Variants in RPN2 observed in about 807,000 individuals in gnomAD.
RPN2 encodes the protein ribophorin II, also known as dolichyl-diphosphooligosaccharide--protein glycosyltransferase subunit 2.
RPN2 carries 29 observed loss-of-function variants against 71.4 expected under a neutral mutation model. That is an observed-to-expected ratio of 0.41 (90% CI 0.30 to 0.55). The LOEUF is 0.55. Among genes scored for constraint, RPN2 ranks in the 20% least tolerant of loss-of-function variants. The pLI is 0.35. For synonymous variants in RPN2, 308 were observed against 305.0 expected, an observed-to-expected ratio of 1.01 and a Z score of -0.10; for missense variants, 726 against 774.1, an observed-to-expected ratio of 0.94 and a Z score of 0.74.
intron 4 of RPN2, among the ~76,000 whole-genome samples, chr20:37,201,999 A>G (rs1221818777): frequency 1.3e-5 from 2 of 152,230 alleles, no homozygotes; most frequent in African/African-American, 2.4e-5. Context: ...ATACAGTACT[A>G]TGCTCCAGAG....
At chr20:37,199,315 TG>T in intron 4 of RPN2, 90 bp downstream of exon 4, 1 of 1,505,628 alleles carries the variant, frequency 6.6e-7, no homozygotes, top group Non-Finnish European at 9.1e-7. Context: ...AAATACTTTC[TG>T]GGCAAGTACT....
intron 14 of RPN2, among the ~76,000 whole-genome samples, chr20:37,232,718 T>TA (rs376342287): frequency 2.0e-5 from 3 of 152,230 alleles, no homozygotes; most frequent in African/African-American, 4.8e-5. Flanking sequence ...CTGGTAGCTA[T>TA]AAAAAACAGC....
chr20:37,234,460 C>A (rs369863476), intron 15 of RPN2, among the ~76,000 whole-genome samples: 12 of 152,304 alleles, frequency 7.9e-5, no homozygotes, highest in African/African-American at 2.9e-4. Context: ...CCCACGCTAT[C>A]GATCTTCACA....
At chr20:37,205,742 G>A (rs558570693) in intron 6 of RPN2, among the ~76,000 whole-genome samples, 3 of 152,260 alleles carry the variant, frequency 2.0e-5, no homozygotes, top group African/African-American at 7.2e-5. Context: ...TTTGTCCTAA[G>A]TGTAGGAGGT....
chr20:37,225,328 G>A (rs1162236221), intron 10 of RPN2, among the ~76,000 whole-genome samples: 3 of 152,104 alleles, frequency 2.0e-5, no homozygotes, highest in Non-Finnish European at 4.4e-5. Context: ...TTCTCCTTGC[G>A]GTTCTGCCAG....
At chr20:37,229,556 T>TC (rs1286374431) in intron 12 of RPN2, among the ~76,000 whole-genome samples, 4 of 152,328 alleles carry the variant, frequency 2.6e-5, no homozygotes, top group African/African-American at 7.2e-5. Context: ...CGTGTGGTAT[T>TC]CAAGACTTCT....
intron 14 of RPN2, among the ~76,000 whole-genome samples, chr20:37,232,863 G>A (rs1449492705): frequency 6.6e-6 from 1 of 152,190 alleles, no homozygotes; most frequent in Non-Finnish European, 1.5e-5. Flanking sequence ...GCCAAGATGT[G>A]TTACTGAGTG....
chr20:37,231,490 A>G (rs538015595), intron 13 of RPN2, among the ~76,000 whole-genome samples: 1 of 152,262 alleles, frequency 6.6e-6, no homozygotes, highest in African/African-American at 2.4e-5. Context: ...TTGCAGGGCC[A>G]AGGAGGGAGG....
In RPN2 at chr20:37,210,171, T is replaced by C; in HGVS notation, c.986+6T>C. ...ACATCCTTCACCCCTGTAGGGTAAG[T>C]CCTGATCATATTTTGGTGGGGCGCT... On this transcript the variant is annotated splice_donor_region_variant and intron_variant, in intron 8 of 16. Transcript: ENST00000237530. 1 of 1,613,798 alleles carries C rather than the reference T, an allele frequency of 6.2e-7. No individual in the cohort carries two copies. The highest frequency in any genetic ancestry group is 8.5e-7 in the Non-Finnish European group (1 of 1,179,972).
At chr20:37,195,431 A>G (rs920670799) in intron 2 of RPN2, among the ~76,000 whole-genome samples, 11 of 152,216 alleles carry the variant, frequency 7.2e-5, no homozygotes, top group African/African-American at 2.7e-4. Flanking sequence ...TATAGCTCAG[A>G]CACCAGAGCC....
At chr20:37,209,469 AT>A (rs60329533) in intron 7 of RPN2, among the ~76,000 whole-genome samples, 9 of 146,360 alleles carry the variant, frequency 6.1e-5, no homozygotes, top group East Asian at 2.0e-4. Flanking sequence ...TAGCTGAGAC[AT>A]TTTTTTTTTT....
intron 9 of RPN2, 79 bp from the exon 10 acceptor site, chr20:37,223,799 T>C (rs2068014424): frequency 8.4e-7 from 1 of 1,194,530 alleles, no homozygotes; most frequent in African/African-American, 1.5e-5. Flanking sequence ...CCTTAAAGAA[T>C]AGAAAACTTT....
chr20:37,203,731 A>G (rs1323866242), intron 4 of RPN2, among the ~76,000 whole-genome samples, 154 bp from the exon 5 acceptor site: 4 of 152,184 alleles, frequency 2.6e-5, no homozygotes, highest in Admixed American at 2.6e-4. Flanking sequence ...CATCTGTCCT[A>G]ACTGGATTAT....
chr20:37,199,497 G>C (rs898709836), intron 4 of RPN2, among the ~76,000 whole-genome samples: 4 of 152,216 alleles, frequency 2.6e-5, no homozygotes, highest in Non-Finnish European at 5.9e-5. Flanking sequence ...ACCACCTAGA[G>C]ATCCAGTTGC....
At chr20:37,188,258 TG>T (rs1416828912) in intron 2 of RPN2, among the ~76,000 whole-genome samples, 1 of 152,164 alleles carries the variant, frequency 6.6e-6, no homozygotes, top group Non-Finnish European at 1.5e-5. Flanking sequence ...AACCTCCGCC[TG>T]CTGGGTTCAA....
rs2067322641 is a variant in RPN2, at chr20:37,199,140, C to CT, written c.395dup (p.Ser133LysfsTer44). 1 of 1,614,118 alleles carries CT rather than the reference C, an allele frequency of 6.2e-7. No individual in the cohort carries two copies. The highest frequency in any genetic ancestry group is 1.3e-5 in the African/African-American group (1 of 74,948). On this transcript the variant is annotated frameshift_variant, in exon 4 of 17. Transcript: ENST00000237530. LOFTEE classifies it high-confidence loss of function. The stretch of plus-strand genomic sequence containing the variant: ...CCAGATCTACCATGCAGTTGCAGCT[C>CT]TAAGTGGCTTTGGCCTTCCCTTGGC...
chr20:37,229,390 G>A (rs1451441917), intron 12 of RPN2, among the ~76,000 whole-genome samples: 1 of 152,176 alleles, frequency 6.6e-6, no homozygotes, highest in African/African-American at 2.4e-5. Context: ...AGCTCAAGGT[G>A]CTTTCAGTGC....
At chr20:37,223,049 T>C (rs2067998072) in intron 9 of RPN2, among the ~76,000 whole-genome samples, 1 of 152,256 alleles carries the variant, frequency 6.6e-6, no homozygotes. Context: ...CTCTGCTTCA[T>C]GATATCTTTG....
chr20:37,214,264 G>C (rs2067751645), intron 9 of RPN2, among the ~76,000 whole-genome samples: 1 of 152,152 alleles, frequency 6.6e-6, no homozygotes, highest in Non-Finnish European at 1.5e-5. Flanking sequence ...AGCACCAAGT[G>C]ACACATACGT....
Sources: gnomAD v4.1 joint callset for allele counts (sites outside exome capture counted in the v4.1 genomes callset) on GRCh38, gnomAD v4.1.1 for gene constraint, MANE v1.5 for transcripts, NCBI Gene and HGNC (gene_info 2026-07-23, HGNC 2026-07-21) for gene names.